SEMA6D: variants seen among roughly 807,000 people sequenced by gnomAD.
The protein encoded by SEMA6D is semaphorin-6D.
SEMA6D carries 35 observed loss-of-function variants against 106.6 expected under a neutral mutation model. That is an observed-to-expected ratio of 0.33 (90% CI 0.25 to 0.44). The LOEUF (loss-of-function observed/expected upper bound fraction) is 0.44, where lower values mean the gene tolerates loss of function less well. Ranked by LOEUF, SEMA6D falls within the 20% of genes least tolerant of loss-of-function variation. SEMA6D has a pLI of 1.00. For missense variants in SEMA6D, 1,185 were observed against 1,345.9 expected (o/e 0.88, Z 1.87); for synonymous variants, 499 against 487.7 (o/e 1.02, Z -0.31).
intron 3 of SEMA6D, among the ~76,000 whole-genome samples, chr15:47,566,134 T>A (rs938793559): frequency 6.6e-6 from 1 of 152,230 alleles, no homozygotes; most frequent in East Asian, 1.9e-4. Flanking sequence ...GTCTGACAAC[T>A]GACAGCGGCA....
chr15:47,740,344 C>G (rs1245858327), intron 1 of SEMA6D, among the ~76,000 whole-genome samples: 2 of 152,112 alleles, frequency 1.3e-5, no homozygotes, highest in African/African-American at 4.8e-5. Context: ...CATAGTGAAA[C>G]TCCACCTCTA....
intron 1 of SEMA6D, among the ~76,000 whole-genome samples, chr15:47,251,535 G>A (rs1023306041): frequency 2.0e-5 from 3 of 152,076 alleles, no homozygotes; most frequent in Admixed American, 1.3e-4. Flanking sequence ...ATGTATAAGG[G>A]ACTCAAGATC....
At chr15:47,256,123 G>C (rs932247428) in intron 1 of SEMA6D, among the ~76,000 whole-genome samples, 2 of 152,094 alleles carry the variant, frequency 1.3e-5, no homozygotes, top group African/African-American at 4.8e-5. Flanking sequence ...TTAATATTGG[G>C]TAGAGTTATT....
At chr15:47,643,343 C>T (rs2077524165) in intron 4 of SEMA6D, among the ~76,000 whole-genome samples, 1 of 152,150 alleles carries the variant, frequency 6.6e-6, no homozygotes. Flanking sequence ...TCTTGTTGCA[C>T]AGTGTAGACT....
intron 3 of SEMA6D, among the ~76,000 whole-genome samples, chr15:47,560,145 T>C (rs1043275258): frequency 1.3e-5 from 2 of 151,964 alleles, no homozygotes; most frequent in Non-Finnish European, 2.9e-5. Flanking sequence ...AAATATATTA[T>C]CTAAAGTGTA....
intron 1 of SEMA6D, among the ~76,000 whole-genome samples, chr15:47,217,874 T>TACACAC (rs150525483): frequency 0.072 from 10,283 of 142,974 alleles, 621 homozygotes; most frequent in African/African-American, 0.15. Flanking sequence ...TGTACACACA[T>TACACAC]ACACACACAC....
At chr15:47,307,772 A>G (rs2036285747) in intron 1 of SEMA6D, among the ~76,000 whole-genome samples, 2 of 152,174 alleles carry the variant, frequency 1.3e-5, no homozygotes, top group African/African-American at 4.8e-5. Context: ...AATGTCTTTT[A>G]GTTTCCTTGC....
At chr15:47,382,221 G>T (rs1385777893) in intron 1 of SEMA6D, among the ~76,000 whole-genome samples, 5 of 152,078 alleles carry the variant, frequency 3.3e-5, no homozygotes, top group Admixed American at 2.0e-4. Flanking sequence ...TTAAGAAGGG[G>T]ATCACTACTG....
intron 1 of SEMA6D, among the ~76,000 whole-genome samples, chr15:47,301,740 A>T (rs1004610331): frequency 4.6e-5 from 7 of 152,214 alleles, no homozygotes; most frequent in African/African-American, 1.4e-4. Context: ...AGGAAACGAG[A>T]CGGGCAGTGA....
chr15:47,235,422 G>A (rs1400160214), intron 1 of SEMA6D, among the ~76,000 whole-genome samples: 1 of 151,958 alleles, frequency 6.6e-6, no homozygotes, highest in East Asian at 1.9e-4. Flanking sequence ...GTGTCCAGAA[G>A]TGTTTTCCCT....
At chr15:47,345,751 G>T (rs75117218) in intron 1 of SEMA6D, among the ~76,000 whole-genome samples, 1 of 152,084 alleles carries the variant, frequency 6.6e-6, no homozygotes, top group African/African-American at 2.4e-5. Context: ...AATCTGTATT[G>T]CATGATTATA....
intron 1 of SEMA6D, chr15:47,359,515 G>A (rs2038718301): frequency 6.6e-6 from 1 of 152,134 alleles, no homozygotes; most frequent in Non-Finnish European, 1.5e-5. Context: ...TAGCAATGAA[G>A]CAGAATGCGT....
In SEMA6D at chr15:47,456,183, A is replaced by G. The variant is rs370619843; in HGVS notation, c.-158-14291A>G. ...TTGGAGGCAACAGATTCTGTGATCTATGACTTACCCCCAAAATTGAAGAAC... is the reference window on the plus strand; with the variant it reads ...TTGGAGGCAACAGATTCTGTGATCTGTGACTTACCCCCAAAATTGAAGAAC... On this transcript the variant is annotated intron_variant, in intron 2 of 19. Transcript: ENST00000558014. 1.1e-4 allele frequency among the ~76,000 whole-genome samples: 17 copies of G among 151,990 alleles called. 1 individual carries two copies. The highest frequency in any genetic ancestry group is 1.1e-3 in the Admixed American group (16 of 15,226).
At chr15:47,618,294 A>G (rs2077041433) in intron 4 of SEMA6D, among the ~76,000 whole-genome samples, 1 of 152,354 alleles carries the variant, frequency 6.6e-6, no homozygotes, top group South Asian at 2.1e-4. Context: ...GAAAAACCAT[A>G]CAATCCGAGG....
intron 1 of SEMA6D, chr15:47,730,010 C>T: frequency 1.9e-6 from 1 of 530,066 alleles, no homozygotes. Context: ...CTCCAGAGTT[C>T]TTTCTAGTAG....
Position 47,639,263 on chromosome 15 carries a change from T to C in SEMA6D, c.-55+38367T>C, listed in dbSNP as rs1446697008. On this transcript the variant is annotated intron_variant, in intron 4 of 19. Transcript: ENST00000558014. ...TCTAAAGAAATACAATGGTGGGATA[T>C]GCCAAAGGAGCACAGCATGTAACTG... Among the ~76,000 whole-genome samples, 5 of 152,126 alleles carry C rather than the reference T, an allele frequency of 3.3e-5. No homozygotes were observed. In the East Asian group the frequency reaches 9.6e-4, roughly 29 times the overall value.
At chr15:47,640,871 TA>T (rs1373668358) in intron 4 of SEMA6D, among the ~76,000 whole-genome samples, 3 of 151,978 alleles carry the variant, frequency 2.0e-5, no homozygotes, top group African/African-American at 7.2e-5. Context: ...TTTTTTTTTT[TA>T]AATCGCTTCT....
chr15:47,549,507 A>G (rs912788373), intron 3 of SEMA6D, among the ~76,000 whole-genome samples: 4 of 152,156 alleles, frequency 2.6e-5, no homozygotes, highest in African/African-American at 9.7e-5. Context: ...CTACAGTGCT[A>G]TTCCATATCT....
chr15:47,264,335 T>G (rs2034215670), intron 1 of SEMA6D, among the ~76,000 whole-genome samples: 1 of 78,080 alleles, frequency 1.3e-5, no homozygotes, highest in African/African-American at 3.1e-5. Context: ...CCCCTGAATT[T>G]AAAAGGTTTT....
Sources: allele counts gnomAD v4.1 joint callset (sites outside exome capture counted in the v4.1 genomes callset), GRCh38; gene constraint gnomAD v4.1.1; transcripts MANE v1.5; gene names NCBI Gene and HGNC (gene_info 2026-07-23, HGNC 2026-07-21).